The following DNPEP variants were observed in gnomAD, a reference collection of about 807,000 sequenced individuals.
DNPEP encodes the protein aspartyl aminopeptidase.
Under a neutral mutation model 59.1 loss-of-function variants are expected in DNPEP, and 46 were observed. The observed-to-expected ratio is 0.78, with a 90% CI of 0.61 to 0.99. DNPEP has a LOEUF of 0.99. DNPEP is among the 50% of genes least tolerant of loss of function. The pLI, the probability that DNPEP is intolerant of heterozygous loss-of-function variation, is 0.00. For synonymous variants in DNPEP, 229 were observed against 242.2 expected (o/e 0.95, Z 0.50); for missense variants, 617 against 649.9 (o/e 0.95, Z 0.55).
At chr2:219,375,116 C>CT in intron 13 of DNPEP, 94 bp from the exon 14 acceptor site, 1 of 1,346,662 alleles carries the variant, frequency 7.4e-7, no homozygotes, top group Non-Finnish European at 1.0e-6. Context: ...GGGAAGGGGC[C>CT]TGGGAGATGG....
chr2:219,381,987 G>C lies in DNPEP; in HGVS notation c.1089C>G (p.Pro363=). Residue 363 remains proline (P), a synonymous_variant, in exon 11 of 15, where the codon CCC becomes CCG. Transcript: ENST00000273075. The part of the protein sequence containing the change: ...ISADMAHAVH[P]NYLDKHEENH... The stretch of plus-strand genomic sequence containing the variant: ...TGGCACTAGAGACTCACAGGTAGTT[G>C]GGATGCACAGCATGGGCCATGTCTG... 1 of 1,614,192 alleles carries C rather than the reference G, an allele frequency of 6.2e-7. No individual in the cohort carries two copies. The highest frequency in any genetic ancestry group is 8.5e-7 in the Non-Finnish European group (1 of 1,180,010).
Position 219,386,026 on chromosome 2 carries a change from C to T in DNPEP, c.532G>A (p.Ala178Thr), listed in dbSNP as rs1953810177. The T allele has an allele frequency of 3.1e-6, 5 of 1,614,164 alleles. No individual in the cohort carries two copies. Among genetic ancestry groups the T allele is most frequent in the Non-Finnish European group, 4.2e-6 (5 of 1,180,016 alleles). Residue 178 changes from alanine to threonine, a missense_variant, in exon 6 of 15, where the codon GCC becomes ACC. Coordinates refer to ENST00000273075, the MANE Select transcript of DNPEP (RefSeq NM_012100.4). ...ERPILRIPHL[A>T]IHLQRNINEN... ...TTGATATTTCGCTGCAGATGGATGGCCAGGTGTGGGATGCGAAGAATGGGC... is the reference window on the plus strand; with the variant it reads ...TTGATATTTCGCTGCAGATGGATGGTCAGGTGTGGGATGCGAAGAATGGGC...
At chr2:219,374,774 G>T in intron 14 of DNPEP, 81 bp downstream of exon 14, 1 of 1,495,876 alleles carries the variant, frequency 6.7e-7, no homozygotes, top group Non-Finnish European at 9.1e-7. Context: ...ACTTTGTGAT[G>T]GCGATGTTGT....
chr2:219,381,987 G>T lies in DNPEP; in HGVS notation c.1089C>A (p.Pro363=), dbSNP rs35723758. Residue 363 remains proline, a synonymous_variant, in exon 11 of 15, where the codon CCC becomes CCA. Coordinates refer to ENST00000273075, the MANE Select transcript of DNPEP (RefSeq NM_012100.4). ...TGGCACTAGAGACTCACAGGTAGTT[G>T]GGATGCACAGCATGGGCCATGTCTG... ...ISADMAHAVH[P]NYLDKHEENH... The T allele has an allele frequency of 8.6e-3, 13,846 of 1,614,168 alleles. 86 individuals carry two copies. Among genetic ancestry groups the T allele is most frequent in the South Asian group, 0.01 (936 of 91,088 alleles).
rs776670943 is a variant in DNPEP, at chr2:219,381,346, C to T, written c.1228G>A (p.Val410Ile). The change falls in exon 13 of 15, where the codon GTC becomes ATC. Residue 410 changes from valine to isoleucine, a missense_variant. Transcript: ENST00000273075. ...GGGCCCACCCTCACCTGCAGGGGGA[C>T]CTTGACTTTGTTGGCCACCTCTCGG... ...LIREVANKVK[V>I]PLQDLMVRND... 3 of 1,613,860 alleles carry T rather than the reference C, an allele frequency of 1.9e-6. No individual in the cohort carries two copies. In the African/African-American group the frequency reaches 4.0e-5, roughly 22 times the overall value.
At chr2:219,399,781 TA>T in intron 1 of DNPEP, 1 of 1,141,094 alleles carries the variant, frequency 8.8e-7, no homozygotes, top group Non-Finnish European at 1.3e-6. Context: ...CCATAATGCC[TA>T]AGCCAGTGCG....
upstream of DNPEP, chr2:219,388,611 C>T: frequency 1.2e-6 from 1 of 825,096 alleles, no homozygotes; most frequent in Non-Finnish European, 1.5e-6. Flanking sequence ...GGGCCCTCTG[C>T]TGCCGCGGAG....
chr2:219,387,374 G>A lies in DNPEP; in HGVS notation c.37-211C>T, dbSNP rs1953894303. On this transcript the variant is annotated intron_variant, in intron 1 of 14. Coordinates refer to ENST00000273075, the MANE Select transcript of DNPEP (RefSeq NM_012100.4). ...CGGCCCAGGATCATGAGCCAGGCCC[G>A]CCCCTTAATCCGAACTTTAGCCCGA... The A allele has an allele frequency of 2.8e-6, 4 of 1,438,360 alleles. No individual in the cohort carries two copies. The Admixed American group carries it at 1.2e-4, about 42-fold the overall frequency. The allele number at this position is 1,438,360 out of a possible 1,614,324, so 89.1% of individuals were successfully genotyped here.
At chr2:219,377,949 A>C (rs1033302126) in intron 13 of DNPEP, among the ~76,000 whole-genome samples, 20 of 147,594 alleles carry the variant, frequency 1.4e-4, no homozygotes, top group Non-Finnish European at 2.1e-4. Flanking sequence ...TTAAAAAAAA[A>C]AACCAAACTC....
intron 13 of DNPEP, among the ~76,000 whole-genome samples, chr2:219,380,805 ATG>A (rs1244401246): frequency 3.7e-5 from 5 of 135,190 alleles, no homozygotes; most frequent in African/African-American, 1.1e-4. Context: ...CAATACTGTC[ATG>A]TGTTATATAC....
rs1953745597 is a variant in DNPEP at position 219,384,882 on chromosome 2, G to T, written c.775-439C>A. On this transcript the variant is annotated intron_variant, in intron 8 of 14. Transcript: ENST00000273075. The stretch of plus-strand genomic sequence containing the variant: ...GACCAAGCAGAGATTGGAGAAGGGG[G>T]CTGGGTTGGTGCTGAGGAACAAAAG... 2.3e-5 allele frequency: 4 copies of T among 176,410 alleles called. No individual in the cohort carries two copies. In the South Asian group the frequency reaches 4.8e-4, roughly 21 times the overall value. 10.9% of individuals were successfully genotyped at this position (176,410 alleles called of 1,614,324 possible). A position where few individuals can be genotyped will look rare whatever the true frequency, so the allele number is the denominator to read the frequency against.
chr2:219,384,119 C>G (rs1953710570), intron 9 of DNPEP, among the ~76,000 whole-genome samples: 1 of 152,194 alleles, frequency 6.6e-6, no homozygotes, highest in African/African-American at 2.4e-5. Flanking sequence ...GACCATGGTG[C>G]CTGAAACAAC....
intron 13 of DNPEP, among the ~76,000 whole-genome samples, chr2:219,381,006 A>G (rs1416219534): frequency 1.3e-5 from 2 of 152,104 alleles, no homozygotes; most frequent in Non-Finnish European, 2.9e-5. Flanking sequence ...TGCTGCAGGG[A>G]AAGACAGGCC....
Position 219,374,169 on chromosome 2 carries a change from C to A in DNPEP, c.*123G>T, listed in dbSNP as rs1374118206. On this transcript the variant is annotated 3_prime_UTR_variant, in exon 15 of 15. Transcript: ENST00000273075. ...CAGGCTCAACTCCCACTCCTCTAGT[C>A]TCCAAATAAGCGTAGCACGGAGAGT... is the stretch of plus-strand genomic sequence containing the variant. 5 of 1,009,092 alleles carry A rather than the reference C, an allele frequency of 5.0e-6. No homozygotes were observed. Among genetic ancestry groups the A allele is most frequent in the Non-Finnish European group, 6.0e-6 (4 of 661,784 alleles). 62.5% of individuals were successfully genotyped at this position (1,009,092 alleles called of 1,614,324 possible).
At chr2:219,381,812 C>T in intron 11 of DNPEP, 167 bp downstream of exon 11, 1 of 923,304 alleles carries the variant, frequency 1.1e-6, no homozygotes, top group South Asian at 1.6e-5. Flanking sequence ...CATTGCATGA[C>T]TTTGACCAAG....
intron 8 of DNPEP, chr2:219,384,907 G>A (rs2125138738): frequency 1.8e-5 from 3 of 168,610 alleles, no homozygotes; most frequent in Middle Eastern, 5.8e-3. Flanking sequence ...AGGAACAAAA[G>A]GGTGGAGGCC....
At chr2:219,381,951 G>A in intron 11 of DNPEP, 28 bp downstream of exon 11, 1 of 1,612,014 alleles carries the variant, frequency 6.2e-7, no homozygotes, top group East Asian at 2.2e-5. Flanking sequence ...GCTATGTGAA[G>A]ACTGTGTGAC....
intron 13 of DNPEP, among the ~76,000 whole-genome samples, chr2:219,380,148 G>A (rs1953527954): frequency 6.6e-6 from 1 of 150,956 alleles, no homozygotes; most frequent in Non-Finnish European, 1.5e-5. Flanking sequence ...TATACAGGTG[G>A]ACCATTTTAA....
At chr2:219,379,316 T>C (rs1224580228) in intron 13 of DNPEP, among the ~76,000 whole-genome samples, 1 of 151,872 alleles carries the variant, frequency 6.6e-6, no homozygotes. Context: ...ATTGTTATCA[T>C]GGTAGATAGC....
Sources: allele counts gnomAD v4.1 joint callset (sites outside exome capture counted in the v4.1 genomes callset), GRCh38; gene constraint gnomAD v4.1.1; transcripts MANE v1.5; gene names NCBI Gene and HGNC (gene_info 2026-07-23, HGNC 2026-07-21).